The following MSTO1 variants were observed in gnomAD, a reference collection of about 807,000 sequenced individuals.
MSTO1 encodes the protein protein misato homolog 1.
A neutral mutation model predicts 55.7 loss-of-function variants in MSTO1; 24 were observed. That is an observed-to-expected ratio of 0.43 (90% CI 0.31 to 0.61). The LOEUF (loss-of-function observed/expected upper bound fraction) is 0.61. Among genes scored for constraint, MSTO1 ranks in the 20% least tolerant of loss-of-function variants. The probability of loss-of-function intolerance (pLI) is 0.09; values close to 1 mark genes in which losing one functional copy is unlikely to be tolerated. For synonymous variants in MSTO1, 162 were observed against 252.8 expected (o/e 0.64, Z 3.41); for missense variants, 363 against 625.7 (o/e 0.58, Z 4.48).
the MSTO1 span, among the ~76,000 whole-genome samples, chr1:155,570,532 A>T: frequency 2.6e-5 from 4 of 152,204 alleles, no homozygotes; most frequent in Non-Finnish European, 5.9e-5. Context: ...CTACATCAGA[A>T]TTCCTAAGTC....
chr1:155,580,486 G>C, the MSTO1 span, among the ~76,000 whole-genome samples: 1 of 152,158 alleles, frequency 6.6e-6, no homozygotes, highest in Non-Finnish European at 1.5e-5. Flanking sequence ...AGTGAGCCGT[G>C]ATCACGCCAC....
the MSTO1 span, chr1:155,602,037 A>C: frequency 1.8e-6 from 1 of 556,016 alleles, no homozygotes; most frequent in South Asian, 1.5e-5. Context: ...TACAGGTATG[A>C]GCCGCCGCGC....
the MSTO1 span, among the ~76,000 whole-genome samples, chr1:155,573,983 G>T: frequency 2.6e-5 from 4 of 152,092 alleles, no homozygotes; most frequent in African/African-American, 9.7e-5. Context: ...TTTTTAAAGG[G>T]TGGGTAATAT....
chr1:155,607,853 C>T (rs1475213596), upstream of MSTO1, among the ~76,000 whole-genome samples: 1 of 152,142 alleles, frequency 6.6e-6, no homozygotes, highest in Non-Finnish European at 1.5e-5. Flanking sequence ...AAAAATTAGC[C>T]GGGTGCAGTG....
chr1:155,609,783 G>C (rs1673430467), upstream of MSTO1: 3 of 182,050 alleles, frequency 1.6e-5, no homozygotes, highest in South Asian at 2.3e-4. Flanking sequence ...ATTAGTCGTG[G>C]TCCACGTGAC....
At chr1:155,563,693 T>A in the MSTO1 span, 2 of 384,122 alleles carry the variant, frequency 5.2e-6, no homozygotes, top group Admixed American at 6.6e-5. Context: ...CTTTTCTTCC[T>A]TCAGCAAGTT....
the MSTO1 span, among the ~76,000 whole-genome samples, chr1:155,589,893 C>T: frequency 2.6e-5 from 4 of 151,920 alleles, no homozygotes; most frequent in African/African-American, 9.7e-5. Flanking sequence ...CCCTCACAGA[C>T]ACACCCAGGA....
chr1:155,598,706 A>T, the MSTO1 span: 1 of 489,612 alleles, frequency 2.0e-6, no homozygotes. Flanking sequence ...TGGAGAACAG[A>T]GCGAGACCCA....
chr1:155,601,300 T>C, the MSTO1 span, among the ~76,000 whole-genome samples: 12 of 149,142 alleles, frequency 8.0e-5, no homozygotes, highest in African/African-American at 3.0e-4. Flanking sequence ...CGCCCGGCTA[T>C]TTTTTTTTGT....
the MSTO1 span, among the ~76,000 whole-genome samples, chr1:155,586,069 A>G: frequency 6.6e-6 from 1 of 152,158 alleles, no homozygotes; most frequent in Admixed American, 6.6e-5. Flanking sequence ...TATCTATCCA[A>G]TGTTCTGTCA....
the MSTO1 span, among the ~76,000 whole-genome samples, chr1:155,588,764 C>T: frequency 6.6e-6 from 1 of 152,066 alleles, no homozygotes; most frequent in African/African-American, 2.4e-5. Flanking sequence ...AGCAGGAGAT[C>T]CTGAAAGGCT....
the MSTO1 span, among the ~76,000 whole-genome samples, chr1:155,564,570 A>G: frequency 2.0e-5 from 3 of 152,218 alleles, no homozygotes; most frequent in Admixed American, 6.5e-5. Flanking sequence ...CCCCTTTAGG[A>G]TACGTGGATT....
At chr1:155,578,336 CTTTTTTTTTTTTTTTTTT>C in the MSTO1 span, among the ~76,000 whole-genome samples, 5 of 44,280 alleles carry the variant, frequency 1.1e-4, no homozygotes, top group African/African-American at 5.1e-4. Flanking sequence ...AACTACCTTT[CTTTTTTTTTTTTTTTTTT>C]TTTTTTTTTT....
the MSTO1 span, among the ~76,000 whole-genome samples, chr1:155,566,971 T>G: frequency 6.6e-6 from 1 of 152,130 alleles, no homozygotes; most frequent in Non-Finnish European, 1.5e-5. Flanking sequence ...CTAGCTCCCA[T>G]GCTCAAGGGA....
rs747123340 is a variant in MSTO1, at chr1:155,613,230, C to T, written c.1280C>T (p.Thr427Ile). The change falls in exon 11 of 14, where the codon ACA becomes ATA. Residue 427 changes from threonine to isoleucine, a missense_variant. Around this residue, in one of 3 missense-constraint regions of MSTO1, gnomAD observed 231 missense variants for 286.9 expected, o/e 0.81. Transcript: ENST00000245564. ...VLRGIDRACH[T>I]SQLTPGTPPP... The stretch of plus-strand genomic sequence containing the variant: ...AGGGGTATAGACAGAGCATGCCACA[C>T]AAGGTGAGAGCTGTTGGTCCTTAGG... The T allele has an allele frequency of 1.2e-6, 2 of 1,613,220 alleles. No individual in the cohort carries two copies. The highest frequency in any genetic ancestry group is 2.2e-5 in the South Asian group (2 of 91,032).
the MSTO1 span, among the ~76,000 whole-genome samples, chr1:155,577,832 A>G: frequency 1.3e-5 from 2 of 152,034 alleles, no homozygotes; most frequent in Non-Finnish European, 2.9e-5. Context: ...TGCACTTTCG[A>G]CTTCTCAGGC....
the MSTO1 span, among the ~76,000 whole-genome samples, chr1:155,592,357 G>A: frequency 4.0e-4 from 61 of 152,186 alleles, no homozygotes; most frequent in Non-Finnish European, 6.6e-4. Flanking sequence ...TGATTAGAAA[G>A]GACACAATAA....
the MSTO1 span, among the ~76,000 whole-genome samples, chr1:155,581,903 C>T: frequency 6.6e-6 from 1 of 150,624 alleles, no homozygotes; most frequent in African/African-American, 2.4e-5. Context: ...AAGCGATTCT[C>T]CTGCCTCAGC....
At chr1:155,594,603 C>A in the MSTO1 span, among the ~76,000 whole-genome samples, 2 of 151,772 alleles carry the variant, frequency 1.3e-5, no homozygotes, top group Non-Finnish European at 2.9e-5. Context: ...ATTCTGGAAC[C>A]ACCTAAGCCG....
Sources: gnomAD v4.1 joint callset for allele counts (sites outside exome capture counted in the v4.1 genomes callset) on GRCh38, gnomAD v4.1.1 for gene constraint, gnomAD v4.1.1 regional missense constraint, MANE v1.5 for transcripts, NCBI Gene and HGNC (gene_info 2026-07-23, HGNC 2026-07-21) for gene names.